Variants in SH3BP4 observed in about 807,000 individuals in gnomAD.
SH3BP4 encodes SH3 domain-binding protein 4.
SH3BP4 carries 33 observed loss-of-function variants against 65.5 expected under a neutral mutation model. That is an observed-to-expected ratio of 0.50 (90% CI 0.38 to 0.67). The LOEUF (loss-of-function observed/expected upper bound fraction) is 0.67. SH3BP4 is among the 30% of genes least tolerant of loss of function. SH3BP4 has a pLI of 0.00. For synonymous variants in SH3BP4, 552 were observed against 545.5 expected (o/e 1.01, Z -0.17); for missense variants, 1,134 against 1,261.4 (o/e 0.90, Z 1.53).
At chr2:234,971,800 A>C (rs1204763780) in intron 1 of SH3BP4, among the ~76,000 whole-genome samples, 1 of 151,718 alleles carries the variant, frequency 6.6e-6, no homozygotes, top group Non-Finnish European at 1.5e-5. Context: ...TTTTCTGTAA[A>C]GTTTTCCTTT....
At chr2:235,031,854 G>T (rs919877586) in intron 2 of SH3BP4, among the ~76,000 whole-genome samples, 3 of 152,244 alleles carry the variant, frequency 2.0e-5, no homozygotes, top group Non-Finnish European at 4.4e-5. Flanking sequence ...AGCAGCCTGC[G>T]TGGAGCCCCA....
At chr2:234,992,911 G>A (rs1693795511) in intron 1 of SH3BP4, among the ~76,000 whole-genome samples, 1 of 151,560 alleles carries the variant, frequency 6.6e-6, no homozygotes, top group African/African-American at 2.4e-5. Context: ...TCTGGGTCTG[G>A]AGCCCCTGGA....
chr2:234,961,027 A>C (rs558092108), intron 1 of SH3BP4, among the ~76,000 whole-genome samples: 40 of 152,260 alleles, frequency 2.6e-4, no homozygotes, highest in African/African-American at 9.6e-4. Context: ...CGGGGACATC[A>C]CAGTGGGAAA....
chr2:235,015,299 T>G (rs1694654992), intron 2 of SH3BP4, among the ~76,000 whole-genome samples: 1 of 152,214 alleles, frequency 6.6e-6, no homozygotes, highest in African/African-American at 2.4e-5. Flanking sequence ...TTTGAGCTAT[T>G]ATTGAGGAAA....
At chr2:235,008,562 G>A (rs945700273) in intron 2 of SH3BP4, 4 of 152,166 alleles carry the variant, frequency 2.6e-5, no homozygotes, top group Non-Finnish European at 5.9e-5. Context: ...CTTTCTAGTT[G>A]GAGACAAGAA....
At position 235,001,058 on chromosome 2, in the gene SH3BP4, A is replaced by G. The variant is rs956963609; in HGVS notation, c.-133+5682A>G. On this transcript the variant is annotated intron_variant, in intron 2 of 5. Transcript: ENST00000392011. ...TTTTGTGTCTGAGCTGGGACGTACA[A>G]CCTCGTCTCTGCCTCCAGTTTTTGA... 4.6e-5 allele frequency among the ~76,000 whole-genome samples: 7 copies of G among 152,186 alleles called. No individual in the cohort carries two copies. The East Asian group carries it at 1.3e-3, about 29-fold the overall frequency.
intron 1 of SH3BP4, among the ~76,000 whole-genome samples, chr2:234,964,020 T>G (rs1692778272): frequency 6.6e-6 from 1 of 152,186 alleles, no homozygotes; most frequent in African/African-American, 2.4e-5. Flanking sequence ...GGGCGGAATA[T>G]TTTTTGGCCT....
chr2:235,004,940 T>C (rs776092076), intron 2 of SH3BP4, among the ~76,000 whole-genome samples: 1 of 152,202 alleles, frequency 6.6e-6, no homozygotes, highest in Non-Finnish European at 1.5e-5. Flanking sequence ...ACCCCATGCC[T>C]ATCCCCAGGA....
At position 235,035,137 on chromosome 2, in the gene SH3BP4, C is replaced by G. The variant is rs760790517; in HGVS notation, c.118+17C>G. The G allele has an allele frequency of 1.3e-6, 2 of 1,571,122 alleles. No homozygotes were observed. The highest frequency in any genetic ancestry group is 2.2e-5 in the South Asian group (2 of 90,300). On this transcript the variant is annotated intron_variant, in intron 3 of 5. Transcript: ENST00000392011. The surrounding 1 kb of genome is among the most constrained non-coding windows in gnomAD (Gnocchi z 5.0). ...ACATCAAAGGTGAGCTTCTGGGGAA[C>G]AGGACTGTGGCTAAGGGAGAACGTT...
rs1360831800 is a variant in SH3BP4, at chr2:235,035,502, CCAAA to C, written c.118+385_118+388del. Among the ~76,000 whole-genome samples, 2 of 152,174 alleles carry C rather than the reference CCAAA, an allele frequency of 1.3e-5. No individual in the cohort carries two copies. The highest frequency in any genetic ancestry group is 2.4e-5 in the African/African-American group (1 of 41,454). On this transcript the variant is annotated intron_variant, in intron 3 of 5. Coordinates refer to ENST00000392011, the MANE Select transcript of SH3BP4 (RefSeq NM_014521.3). The surrounding 1 kb of genome is among the most constrained non-coding windows in gnomAD (Gnocchi z 5.0). ...GGGGAGAGGTCAGCAAACCTTTTCT[CCAAA>C]CAGTCTGATGGGAAATATTTGAAGC...
intron 1 of SH3BP4, among the ~76,000 whole-genome samples, chr2:234,987,209 C>T (rs149182782): frequency 6.9e-4 from 105 of 152,208 alleles, no homozygotes; most frequent in African/African-American, 2.4e-3. Flanking sequence ...ATCAGCCCTC[C>T]AGGTAATTCC....
In SH3BP4 at chr2:235,053,710, C is replaced by T; in HGVS notation, c.2786C>T (p.Thr929Ile). 6.2e-7 allele frequency: 1 copy of T among 1,614,212 alleles called. No homozygotes were observed. Among genetic ancestry groups the T allele is most frequent in the Non-Finnish European group, 8.5e-7 (1 of 1,180,034 alleles). ...LGLDKMKNPI[T>I]KRWKHLTGTL... ...CTGGACAAGATGAAAAACCCCATCA[C>T]CAAGCGCTGGAAGCACCTCACTGGG... Residue 929 changes from threonine (T) to isoleucine (I), a missense_variant, in exon 6 of 6, where the codon ACC becomes ATC. Transcript: ENST00000392011.
intron 2 of SH3BP4, among the ~76,000 whole-genome samples, chr2:235,002,248 A>G (rs1184350820): frequency 6.6e-6 from 1 of 152,216 alleles, no homozygotes; most frequent in Non-Finnish European, 1.5e-5. Flanking sequence ...GTTACTATAC[A>G]GGATTTGAAG....
At chr2:235,025,172 C>T (rs1694959860) in intron 2 of SH3BP4, among the ~76,000 whole-genome samples, 1 of 152,122 alleles carries the variant, frequency 6.6e-6, no homozygotes, top group Non-Finnish European at 1.5e-5. Context: ...CTGCCTAAAC[C>T]CCAGGCTTGA....
intron 1 of SH3BP4, among the ~76,000 whole-genome samples, chr2:234,973,318 A>T (rs557592975): frequency 4.0e-5 from 6 of 151,744 alleles, no homozygotes; most frequent in Admixed American, 6.6e-5. Context: ...CTGTTTCGTG[A>T]CCCCTCGCTG....
chr2:234,980,218 G>GA (rs1424881158), intron 1 of SH3BP4, among the ~76,000 whole-genome samples: 15 of 152,310 alleles, frequency 9.8e-5, no homozygotes, highest in African/African-American at 3.6e-4. Context: ...TGAAACTTCA[G>GA]ATAGTACCAA....
Position 234,981,847 on chromosome 2 carries a change from AG to A in SH3BP4, c.-206-13455del, listed in dbSNP as rs1481683579. ...AACAATCCCTTGTTGATAGTTAGCA[AG>A]AAGATTATTTTATTTATTCTAGAAA... On this transcript the variant is annotated intron_variant, in intron 1 of 5. Transcript: ENST00000392011. 2.0e-5 allele frequency: 3 copies of A among 152,324 alleles called. No homozygotes were observed. In the East Asian group the frequency reaches 5.8e-4, roughly 29 times the overall value. 9.4% of individuals were successfully genotyped at this position (152,324 alleles called of 1,614,324 possible).
chr2:234,974,991 C>T lies in SH3BP4; in HGVS notation c.-206-20312C>T, dbSNP rs769501279. Reference sequence around the variant, plus strand: ...CAGCACACGTCTCAGTCCCGTCCCTCGGAGCAGGCCAAGCTCGGGCGGCAG... The same window carrying T: ...CAGCACACGTCTCAGTCCCGTCCCTTGGAGCAGGCCAAGCTCGGGCGGCAG... On this transcript the variant is annotated intron_variant, in intron 1 of 5. Coordinates refer to ENST00000392011, the MANE Select transcript of SH3BP4 (RefSeq NM_014521.3). This position sits in a 1 kb window ranked among gnomAD's most constrained non-coding sequence, Gnocchi z 4.6. Among the ~76,000 whole-genome samples the T allele has an allele frequency of 2.6e-5, 4 of 152,140 alleles. No homozygotes were observed. Among genetic ancestry groups the T allele is most frequent in the Admixed American group, 6.5e-5 (1 of 15,288 alleles).
At chr2:235,027,993 T>C (rs1695057560) in intron 2 of SH3BP4, among the ~76,000 whole-genome samples, 1 of 152,200 alleles carries the variant, frequency 6.6e-6, no homozygotes, top group Admixed American at 6.5e-5. Context: ...TGTGTGCGGC[T>C]TCTTGAGTTT....
Sources: gnomAD v4.1 joint callset for allele counts (sites outside exome capture counted in the v4.1 genomes callset) on GRCh38, gnomAD v4.1.1 for gene constraint, Gnocchi (gnomAD v3.1) non-coding constraint, MANE v1.5 for transcripts, NCBI Gene and HGNC (gene_info 2026-07-23, HGNC 2026-07-21) for gene names.